The following DLG2 variants were observed in gnomAD, a reference collection of about 807,000 sequenced individuals.
DLG2 encodes disks large homolog 2.
DLG2 carries 45 observed loss-of-function variants against 132.5 expected under a neutral mutation model. That is an observed-to-expected ratio of 0.34 (90% confidence interval 0.27 to 0.44). The LOEUF is 0.44. Ranked by LOEUF, DLG2 falls within the 20% of genes least tolerant of loss-of-function variation. DLG2 has a pLI of 1.00. For synonymous variants in DLG2, 424 were observed against 419.6 expected (o/e 1.01, Z -0.13); for missense variants, 1,045 against 1,196.9 (o/e 0.87, Z 1.87).
At chr11:85,515,891 C>G (rs567789015) in intron 3 of DLG2, among the ~76,000 whole-genome samples, 1 of 151,882 alleles carries the variant, frequency 6.6e-6, no homozygotes, top group Non-Finnish European at 1.5e-5. Context: ...TAGTTCAAGT[C>G]TAACAGAATA....
intron 4 of DLG2, among the ~76,000 whole-genome samples, chr11:85,166,445 C>A (rs1285586898): frequency 6.6e-6 from 1 of 151,970 alleles, no homozygotes; most frequent in Admixed American, 6.6e-5. Flanking sequence ...ATTTGGCTAC[C>A]TGGCTTTTGG....
chr11:85,261,721 T>C (rs985549669), intron 4 of DLG2, among the ~76,000 whole-genome samples: 1 of 152,078 alleles, frequency 6.6e-6, no homozygotes, highest in African/African-American at 2.4e-5. Flanking sequence ...ACTGCTGAAT[T>C]CTGGAAGACA....
At position 84,555,250 on chromosome 11, in the gene DLG2, A is replaced by G. The variant is rs537084952; in HGVS notation, c.358-20519T>C. Among the ~76,000 whole-genome samples, 16 of 152,302 alleles carry G rather than the reference A, an allele frequency of 1.1e-4. No homozygotes were observed. In the South Asian group the frequency reaches 3.3e-3, roughly 32 times the overall value. On this transcript the variant is annotated intron_variant, in intron 6 of 27. Coordinates refer to ENST00000376104, the MANE Select transcript of DLG2 (RefSeq NM_001142699.3). The stretch of plus-strand genomic sequence containing the variant: ...AGCAGTATGGAGGTTCTTCAAAAAT[A>G]TGAAAATAGAACTACAATATTATCT...
chr11:85,176,174 G>C (rs1337833651), intron 4 of DLG2, among the ~76,000 whole-genome samples: 1 of 152,106 alleles, frequency 6.6e-6, no homozygotes, highest in East Asian at 1.9e-4. Context: ...TACGCAAAAA[G>C]AACAAAGCTG....
rs142837283 is a variant in DLG2 at position 84,058,838 on chromosome 11, G to C, written c.919+477C>G. On this transcript the variant is annotated intron_variant, in intron 11 of 27. Transcript: ENST00000376104. ...TTTTAACTTATTTTGGCTACTGCAA[G>C]CATAAAATGTCATGTAATATTGGGT... Among the ~76,000 whole-genome samples the C allele has an allele frequency of 8.8e-3, 1,340 of 151,956 alleles. 8 individuals carry two copies. Among genetic ancestry groups the C allele is most frequent in the Non-Finnish European group, 0.015 (997 of 67,936 alleles).
chr11:85,485,118 T>A (rs1013010251), intron 3 of DLG2, among the ~76,000 whole-genome samples: 1 of 151,204 alleles, frequency 6.6e-6, no homozygotes, highest in Non-Finnish European at 1.5e-5. Context: ...AACCAAACAC[T>A]GCATGTTCTC....
At chr11:84,306,154 A>G (rs534014912) in intron 7 of DLG2, among the ~76,000 whole-genome samples, 2 of 152,150 alleles carry the variant, frequency 1.3e-5, no homozygotes, top group East Asian at 3.9e-4. Context: ...ACATGACCAC[A>G]AAGAAATAAT....
chr11:84,760,723 T>C (rs1177594223), intron 6 of DLG2, among the ~76,000 whole-genome samples: 1 of 152,164 alleles, frequency 6.6e-6, no homozygotes, highest in Non-Finnish European at 1.5e-5. Flanking sequence ...GTCCTGTATA[T>C]ACTAATATGA....
At chr11:84,216,000 A>C (rs933621783) in intron 8 of DLG2, among the ~76,000 whole-genome samples, 20 of 152,206 alleles carry the variant, frequency 1.3e-4, no homozygotes, top group African/African-American at 4.8e-4. Flanking sequence ...TAGTGGCTTA[A>C]AAAATAGCCA....
At chr11:84,738,623 C>T (rs537157763) in intron 6 of DLG2, among the ~76,000 whole-genome samples, 17 of 152,216 alleles carry the variant, frequency 1.1e-4, no homozygotes, top group African/African-American at 2.6e-4. Flanking sequence ...GGGAGTTTAA[C>T]AATTCCAAGT....
chr11:84,204,140 A>G (rs1166364932), intron 8 of DLG2, among the ~76,000 whole-genome samples: 2 of 152,064 alleles, frequency 1.3e-5, no homozygotes, highest in African/African-American at 4.8e-5. Context: ...TACTTTTAGT[A>G]GAGACGGGGT....
intron 11 of DLG2, among the ~76,000 whole-genome samples, chr11:84,012,284 T>C (rs1309251467): frequency 6.6e-6 from 1 of 152,154 alleles, no homozygotes. Flanking sequence ...TCCAGATCAT[T>C]GTGTACTATT....
chr11:84,162,006 T>C (rs1243423826), intron 9 of DLG2, among the ~76,000 whole-genome samples: 1 of 152,144 alleles, frequency 6.6e-6, no homozygotes, highest in African/African-American at 2.4e-5. Context: ...CACTCACACT[T>C]GATAAAAATC....
intron 7 of DLG2, among the ~76,000 whole-genome samples, chr11:84,497,636 A>G (rs1211569795): frequency 1.3e-5 from 2 of 152,222 alleles, no homozygotes; most frequent in African/African-American, 4.8e-5. Flanking sequence ...CATGGCTCAC[A>G]TAATACAAAT....
intron 3 of DLG2, among the ~76,000 whole-genome samples, chr11:85,288,483 A>G (rs2078695757): frequency 6.6e-6 from 1 of 152,028 alleles, no homozygotes; most frequent in African/African-American, 2.4e-5. Flanking sequence ...TGTTTGCATC[A>G]TCTTGCCTCA....
chr11:85,584,355 T>C (rs895735137), intron 3 of DLG2, among the ~76,000 whole-genome samples: 1 of 150,056 alleles, frequency 6.7e-6, no homozygotes, highest in East Asian at 1.9e-4. Flanking sequence ...TGTGTGTGTG[T>C]GTGTGTGTGT....
chr11:83,573,465 CT>C (rs1305375590), intron 19 of DLG2, among the ~76,000 whole-genome samples: 1 of 152,114 alleles, frequency 6.6e-6, no homozygotes, highest in Non-Finnish European at 1.5e-5. Context: ...ATATCAAAGT[CT>C]ATTTACTACT....
Position 83,831,532 on chromosome 11 carries a change from C to CAGAGAG in DLG2, c.1722+2076_1722+2081dup, listed in dbSNP as rs140071758. Among the ~76,000 whole-genome samples the CAGAGAG allele has an allele frequency of 3.9e-3, 569 of 146,766 alleles. 3 individuals are homozygous for CAGAGAG. The highest frequency in any genetic ancestry group is 6.7e-3 in the Non-Finnish European group (447 of 66,258). Reference sequence around the variant, plus strand: ...ACTGTGTGTGTGTGTGTGTGTATGTCAGAGAGAGAGAGAGAGAGAGAGAAA... The same window carrying CAGAGAG: ...ACTGTGTGTGTGTGTGTGTGTATGTCAGAGAGAGAGAGAGAGAGAGAGAGAGAGAAA... On this transcript the variant is annotated intron_variant, in intron 17 of 27. Coordinates refer to ENST00000376104, the MANE Select transcript of DLG2 (RefSeq NM_001142699.3).
intron 18 of DLG2, among the ~76,000 whole-genome samples, chr11:83,658,808 C>G (rs1348365767): frequency 6.6e-6 from 1 of 152,230 alleles, no homozygotes; most frequent in Non-Finnish European, 1.5e-5. Context: ...TTTCATCACT[C>G]TTTCTAGTAT....
Sources: allele counts gnomAD v4.1 joint callset (sites outside exome capture counted in the v4.1 genomes callset), GRCh38; gene constraint gnomAD v4.1.1; transcripts MANE v1.5; gene names NCBI Gene and HGNC (gene_info 2026-07-23, HGNC 2026-07-21).